GALNT13: variants seen among roughly 807,000 people sequenced by gnomAD.
GALNT13 encodes the protein UDP-GalNAc:polypeptide N-acetylgalactosaminyltransferase 13.
A neutral mutation model predicts 64.2 loss-of-function variants in GALNT13; 28 were observed. The observed-to-expected ratio is 0.44, with a 90% CI of 0.32 to 0.60. The LOEUF (loss-of-function observed/expected upper bound fraction) is 0.60. GALNT13 is among the 20% of genes least tolerant of loss of function. GALNT13 has a pLI of 0.05. For synonymous variants in GALNT13, 214 were observed against 224.6 expected (o/e 0.95, Z 0.42); for missense variants, 577 against 669.8 (o/e 0.86, Z 1.53).
chr2:153,670,351 G>A, the GALNT13 span, among the ~76,000 whole-genome samples: 1 of 152,120 alleles, frequency 6.6e-6, no homozygotes, highest in African/African-American at 2.4e-5. Context: ...CCAGAGGAAG[G>A]GTCAGACAGC....
the GALNT13 span, among the ~76,000 whole-genome samples, chr2:153,771,739 G>T: frequency 1.3e-5 from 2 of 152,244 alleles, no homozygotes; most frequent in East Asian, 3.9e-4. Context: ...AAAGCGGAGA[G>T]GACTCCAGTG....
At chr2:154,444,361 A>G (rs1678764909) in intron 12 of GALNT13, among the ~76,000 whole-genome samples, 2 of 152,136 alleles carry the variant, frequency 1.3e-5, no homozygotes, top group South Asian at 4.1e-4. Flanking sequence ...GCCAAAGAAA[A>G]TGAAAAAAAG....
At chr2:153,690,574 T>C in the GALNT13 span, among the ~76,000 whole-genome samples, 1 of 152,102 alleles carries the variant, frequency 6.6e-6, no homozygotes, top group Admixed American at 6.6e-5. Context: ...CTTACAAAGG[T>C]CAGATGATAG....
chr2:153,617,101 A>G, the GALNT13 span, among the ~76,000 whole-genome samples: 1 of 151,944 alleles, frequency 6.6e-6, no homozygotes, highest in East Asian at 1.9e-4. Context: ...CCAGTGCTGC[A>G]TTGAATAACA....
At chr2:154,347,955 T>C (rs1396720531) in intron 9 of GALNT13, among the ~76,000 whole-genome samples, 1 of 152,176 alleles carries the variant, frequency 6.6e-6, no homozygotes, top group Non-Finnish European at 1.5e-5. Flanking sequence ...ACTTACCTTA[T>C]CAGAAGTGTT....
chr2:153,322,383 T>C, the GALNT13 span, among the ~76,000 whole-genome samples: 1 of 152,132 alleles, frequency 6.6e-6, no homozygotes, highest in African/African-American at 2.4e-5. Context: ...GTGGCATATA[T>C]GTATCATGTT....
intron 4 of GALNT13, among the ~76,000 whole-genome samples, chr2:154,177,258 G>A (rs954921708): frequency 6.6e-6 from 1 of 152,100 alleles, no homozygotes; most frequent in African/African-American, 2.4e-5. Flanking sequence ...AAAAGACATG[G>A]AGGAACCTAA....
chr2:154,005,355 A>G (rs951897090), intron 3 of GALNT13, among the ~76,000 whole-genome samples: 22 of 152,118 alleles, frequency 1.4e-4, no homozygotes, highest in African/African-American at 5.1e-4. Context: ...AGGTTTATGC[A>G]TTTATTCTGT....
Position 154,408,019 on chromosome 2 carries a change from A to G in GALNT13, c.1297-965A>G, listed in dbSNP as rs375731324. 3.5e-4 allele frequency among the ~76,000 whole-genome samples: 53 copies of G among 152,258 alleles called. No individual in the cohort carries two copies. The South Asian group carries it at 0.01, about 30-fold the overall frequency. On this transcript the variant is annotated intron_variant, in intron 10 of 12. Coordinates refer to ENST00000392825, the MANE Select transcript of GALNT13 (RefSeq NM_052917.4). ...CATAGATAAGTAAATATATGTGTCC[A>G]ATAATTCTACCAACTGAACAGTAAA...
chr2:154,061,745 A>AT (rs72543977), intron 3 of GALNT13, among the ~76,000 whole-genome samples: 106,104 of 151,042 alleles, frequency 0.7, 37,660 homozygotes, highest in East Asian at 0.95. Context: ...TCAACATGGA[A>AT]TTTTTTTATT....
chr2:154,030,136 A>G (rs1698246573), intron 3 of GALNT13, among the ~76,000 whole-genome samples: 1 of 145,696 alleles, frequency 6.9e-6, no homozygotes, highest in Non-Finnish European at 1.5e-5. Flanking sequence ...AATTAATGAC[A>G]AAGAAATTAA....
chr2:153,256,587 A>G, the GALNT13 span, among the ~76,000 whole-genome samples: 1 of 151,814 alleles, frequency 6.6e-6, no homozygotes, highest in Non-Finnish European at 1.5e-5. Context: ...TTTTTCCCCA[A>G]CTTTGTGGTT....
At chr2:153,366,662 C>A in the GALNT13 span, among the ~76,000 whole-genome samples, 2 of 146,616 alleles carry the variant, frequency 1.4e-5, no homozygotes, top group Non-Finnish European at 3.0e-5. Context: ...TGACAAGTAC[C>A]AAACTACAGA....
the GALNT13 span, among the ~76,000 whole-genome samples, chr2:153,278,308 C>T: frequency 6.6e-6 from 1 of 152,112 alleles, no homozygotes; most frequent in Non-Finnish European, 1.5e-5. Context: ...TGTAGGTTGT[C>T]TGTTTACTCT....
At chr2:154,129,007 T>A (rs1216589442) in intron 3 of GALNT13, among the ~76,000 whole-genome samples, 1 of 152,112 alleles carries the variant, frequency 6.6e-6, no homozygotes, top group Non-Finnish European at 1.5e-5. Context: ...GAAATGCAAA[T>A]CTTACAAATA....
intron 3 of GALNT13, among the ~76,000 whole-genome samples, chr2:154,024,100 C>T (rs1378272110): frequency 2.0e-5 from 3 of 151,988 alleles, no homozygotes; most frequent in Non-Finnish European, 4.4e-5. Flanking sequence ...GTGGGTAACC[C>T]GACCTTTCTC....
chr2:153,873,063 G>A (rs756095860), intron 1 of GALNT13, among the ~76,000 whole-genome samples: 77 of 151,886 alleles, frequency 5.1e-4, no homozygotes, highest in Non-Finnish European at 1.0e-3. Flanking sequence ...TCTGCTTCTC[G>A]CAGCTTATCT....
the GALNT13 span, among the ~76,000 whole-genome samples, chr2:153,548,102 C>G: frequency 6.6e-6 from 1 of 152,172 alleles, no homozygotes; most frequent in Non-Finnish European, 1.5e-5. Flanking sequence ...AATTCTGTAA[C>G]AGCTCGATGA....
chr2:154,242,693 T>A lies in GALNT13; in HGVS notation c.479-5T>A. On this transcript the variant is annotated splice_region_variant and splice_polypyrimidine_tract_variant and intron_variant, in intron 5 of 12. Transcript: ENST00000392825. ...TTTTCTTATAAATTCTTATACATGTTACAGATTTTCTCAAGTTGACATTAG... is the reference window on the plus strand; with the variant it reads ...TTTTCTTATAAATTCTTATACATGTAACAGATTTTCTCAAGTTGACATTAG... 6.3e-7 allele frequency: 1 copy of A among 1,594,028 alleles called. No individual in the cohort carries two copies. Among genetic ancestry groups the A allele is most frequent in the Non-Finnish European group, 8.6e-7 (1 of 1,162,142 alleles).
Sources: allele counts gnomAD v4.1 joint callset (sites outside exome capture counted in the v4.1 genomes callset), GRCh38; gene constraint gnomAD v4.1.1; transcripts MANE v1.5; gene names NCBI Gene and HGNC (gene_info 2026-07-23, HGNC 2026-07-21).